The following GPR180 variants were observed in gnomAD, a reference collection of about 807,000 sequenced individuals.
GPR180 encodes integral membrane protein GPR180.
GPR180 carries 53 observed loss-of-function variants against 52.6 expected under a neutral mutation model. The observed-to-expected ratio is 1.01, with a 90% CI of 0.81 to 1.27. GPR180 has a LOEUF of 1.27. Among genes scored for constraint, GPR180 ranks in the 50% most tolerant of loss-of-function variants. GPR180 has a pLI of 0.00. For synonymous variants in GPR180, 200 were observed against 193.1 expected (o/e 1.04, Z -0.30); for missense variants, 533 against 527.0 (o/e 1.01, Z -0.11).
At chr13:94,602,734 G>A (rs1196984557) in intron 1 of GPR180, among the ~76,000 whole-genome samples, 1 of 152,062 alleles carries the variant, frequency 6.6e-6, no homozygotes, top group Non-Finnish European at 1.5e-5. Flanking sequence ...AGTTGCGTTT[G>A]ATTTCAGACC....
rs544548977 is a variant in GPR180, at chr13:94,612,193, C to T, written c.308C>T (p.Thr103Ile). Residue 103 changes from threonine to isoleucine, a missense_variant, in exon 3 of 9, where the codon ACC becomes ATC. By Grantham distance (89) the Thr-to-Ile change is moderately conservative. Transcript: ENST00000376958. ...EKLSKAQLTM[T>I]MNQTEHNLTV... Reference sequence around the variant, plus strand: ...GGTGTTTTCTTTCTCTTTAAAGTGACCATGAACCAGACCGAACATAATCTG... The same window carrying T: ...GGTGTTTTCTTTCTCTTTAAAGTGATCATGAACCAGACCGAACATAATCTG... 1.4e-5 allele frequency: 22 copies of T among 1,613,616 alleles called. No individual in the cohort carries two copies. Among genetic ancestry groups the T allele is most frequent in the Middle Eastern group, 3.3e-4 (2 of 6,058 alleles).
At chr13:94,622,411 C>A (rs1889864225) in intron 6 of GPR180, among the ~76,000 whole-genome samples, 1 of 151,992 alleles carries the variant, frequency 6.6e-6, no homozygotes, top group South Asian at 2.1e-4. Context: ...TTTATATGAA[C>A]ATTTATGAAG....
chr13:94,634,264 C>T lies in GPR180; in HGVS notation c.*7093C>T, dbSNP rs1159389198. 6.6e-6 allele frequency: 1 copy of T among 151,914 alleles called. No homozygotes were observed. Among genetic ancestry groups the T allele is most frequent in the African/African-American group, 2.4e-5 (1 of 41,354 alleles). 9.4% of individuals were successfully genotyped at this position (151,914 alleles called of 1,614,324 possible). ...TTCTTAACGTGTTGAGTGTTAAACC[C>T]ACAGGTGGTAGCATGACATTGACTC... On this transcript the variant is annotated 3_prime_UTR_variant, in exon 9 of 9. Transcript: ENST00000376958.
At chr13:94,619,636 GA>G in intron 5 of GPR180, 119 bp downstream of exon 5, 1 of 811,704 alleles carries the variant, frequency 1.2e-6, no homozygotes, top group Non-Finnish European at 2.0e-6. Flanking sequence ...GCTTGACTGA[GA>G]ACAGGATTAC....
chr13:94,619,467 G>A lies in GPR180; in HGVS notation c.687-1G>A. The stretch of plus-strand genomic sequence containing the variant: ...TACACTACTCTTCTTCAATTCCTCA[G>A]TTACTCCAAAGATGGAATAGGGGTA... On this transcript the variant is annotated splice_acceptor_variant, in intron 4 of 8. Transcript: ENST00000376958. LOFTEE classifies it high-confidence loss of function. 1.2e-6 allele frequency: 2 copies of A among 1,612,302 alleles called. No homozygotes were observed. The highest frequency in any genetic ancestry group is 1.7e-6 in the Non-Finnish European group (2 of 1,178,970).
chr13:94,612,941 T>C (rs569607776), intron 3 of GPR180, among the ~76,000 whole-genome samples: 29 of 152,156 alleles, frequency 1.9e-4, no homozygotes, highest in Non-Finnish European at 3.1e-4. Flanking sequence ...ATGATCAGAG[T>C]CCATAATACT....
intron 2 of GPR180, among the ~76,000 whole-genome samples, chr13:94,610,208 C>G (rs1317277256): frequency 6.6e-6 from 1 of 152,072 alleles, no homozygotes; most frequent in Non-Finnish European, 1.5e-5. Context: ...CTATCATACA[C>G]CTAAGAAAAT....
intron 7 of GPR180, among the ~76,000 whole-genome samples, chr13:94,624,681 C>T (rs1414963411): frequency 6.6e-6 from 1 of 151,928 alleles, no homozygotes; most frequent in African/African-American, 2.4e-5. Context: ...CCTCAGCCTC[C>T]CGAGTAACTC....
At chr13:94,612,482 C>T in intron 3 of GPR180, 92 bp downstream of exon 3, 1 of 934,712 alleles carries the variant, frequency 1.1e-6, no homozygotes. Flanking sequence ...AAAATGAAAG[C>T]AACCTGTGTT....
In GPR180 at chr13:94,629,421, A is replaced by G. The variant is rs575681516; in HGVS notation, c.*2250A>G. On this transcript the variant is annotated 3_prime_UTR_variant, in exon 9 of 9. Coordinates refer to ENST00000376958, the MANE Select transcript of GPR180 (RefSeq NM_180989.6). ...GATGCTTATTTTTATTGACATGTGT[A>G]TAATAAGATGGGTGCCTACTGTGAT... The G allele has an allele frequency of 9.2e-5, 14 of 152,292 alleles. No homozygotes were observed. In the East Asian group the frequency reaches 2.5e-3, roughly 27 times the overall value. 9.4% of individuals were successfully genotyped at this position (152,292 alleles called of 1,614,324 possible).
In GPR180 at chr13:94,632,758, A is replaced by C. The variant is rs1890015624; in HGVS notation, c.*5587A>C. ...CTCAAATAGGGGCTAGCCACACCAGAAGACCAACCATTGGATTAGAGGGTT... is the reference window on the plus strand; with the variant it reads ...CTCAAATAGGGGCTAGCCACACCAGCAGACCAACCATTGGATTAGAGGGTT... On this transcript the variant is annotated 3_prime_UTR_variant, in exon 9 of 9. Transcript: ENST00000376958. 1 of 152,218 alleles carries C rather than the reference A, an allele frequency of 6.6e-6. No homozygotes were observed. The highest frequency in any genetic ancestry group is 2.4e-5 in the African/African-American group (1 of 41,458). The allele number at this position is 152,218 out of a possible 1,614,324, so 9.4% of individuals were successfully genotyped here.
chr13:94,624,339 G>A (rs888975748), intron 7 of GPR180, among the ~76,000 whole-genome samples: 1 of 152,132 alleles, frequency 6.6e-6, no homozygotes. Context: ...GTTATTCTGA[G>A]GCAGCTATGG....
chr13:94,613,259 G>A (rs1889735094), intron 3 of GPR180, among the ~76,000 whole-genome samples: 1 of 152,166 alleles, frequency 6.6e-6, no homozygotes, highest in South Asian at 2.1e-4. Context: ...GGGGTGGGTG[G>A]AGGTGAGGCA....
intron 5 of GPR180, among the ~76,000 whole-genome samples, 162 bp downstream of exon 5, chr13:94,619,679 C>A (rs1889827806): frequency 1.3e-5 from 2 of 152,072 alleles, no homozygotes; most frequent in African/African-American, 4.8e-5. Flanking sequence ...TACTTAGTTT[C>A]TTCTTAATAA....
intron 2 of GPR180, among the ~76,000 whole-genome samples, chr13:94,611,937 T>C (rs1396676441): frequency 6.6e-6 from 1 of 152,050 alleles, no homozygotes; most frequent in Non-Finnish European, 1.5e-5. Flanking sequence ...ATTCTACTTG[T>C]GGTGTTTTAT....
At chr13:94,619,952 G>A (rs920790755) in intron 5 of GPR180, among the ~76,000 whole-genome samples, 11 of 152,102 alleles carry the variant, frequency 7.2e-5, no homozygotes, top group African/African-American at 2.2e-4. Context: ...ATACTCTTGG[G>A]CTTGAGGGAT....
chr13:94,626,536 C>T (rs1889931452), intron 8 of GPR180, among the ~76,000 whole-genome samples: 1 of 152,076 alleles, frequency 6.6e-6, no homozygotes, highest in African/African-American at 2.4e-5. Flanking sequence ...GCAGTATGTG[C>T]CTGAATGCAC....
At chr13:94,618,420 ATTTTTT>A (rs570807308) in intron 3 of GPR180, among the ~76,000 whole-genome samples, 25,684 of 87,188 alleles carry the variant, frequency 0.29, 2,656 homozygotes, top group Middle Eastern at 0.43. Context: ...TCAGCACAGG[ATTTTTT>A]TTTTTTTTTT....
intron 2 of GPR180, 138 bp from the exon 3 acceptor site, chr13:94,612,052 C>T (rs1039666652): frequency 1.7e-5 from 11 of 632,392 alleles, no homozygotes; most frequent in Non-Finnish European, 3.0e-5. Context: ...AGACTTATTC[C>T]AAATACTACA....
Sources: allele counts gnomAD v4.1 joint callset (sites outside exome capture counted in the v4.1 genomes callset), GRCh38; gene constraint gnomAD v4.1.1; transcripts MANE v1.5; gene names NCBI Gene and HGNC (gene_info 2026-07-23, HGNC 2026-07-21).